Variants in HOOK3 observed in about 807,000 individuals in gnomAD.
HOOK3 encodes the protein protein Hook homolog 3.
HOOK3 carries 24 observed loss-of-function variants against 116.3 expected under a neutral mutation model. The observed-to-expected ratio is 0.21, with a 90% confidence interval of 0.15 to 0.29. HOOK3 has a LOEUF of 0.29. Ranked by LOEUF, HOOK3 falls within the 10% of genes least tolerant of loss-of-function variation. The pLI is 1.00. For missense variants in HOOK3, 632 were observed against 830.2 expected (o/e 0.76, Z 2.93); for synonymous variants, 275 against 283.0 (o/e 0.97, Z 0.28).
intron 2 of HOOK3, among the ~76,000 whole-genome samples, chr8:42,919,049 C>T (rs1370751108): frequency 6.7e-6 from 1 of 149,362 alleles, no homozygotes; most frequent in East Asian, 2.0e-4. Context: ...GCGGGGGCTG[C>T]CCCCCACCTC....
chr8:42,939,533 C>T (rs1012011487), intron 4 of HOOK3, among the ~76,000 whole-genome samples: 47 of 147,164 alleles, frequency 3.2e-4, no homozygotes, highest in Non-Finnish European at 6.1e-4. Context: ...CTGATCCCCC[C>T]ACCTCCCTCC....
chr8:43,008,626 AATTTTTATTTTTATTTTT>A (rs71550438), intron 18 of HOOK3, among the ~76,000 whole-genome samples: 19 of 143,330 alleles, frequency 1.3e-4, no homozygotes, highest in Middle Eastern at 3.6e-3. Context: ...GCCTATATTA[AATTTTTATTTTTATTTTT>A]ATTTTTATTT....
chr8:42,908,341 A>AC (rs1248104823), intron 2 of HOOK3, among the ~76,000 whole-genome samples: 2 of 152,040 alleles, frequency 1.3e-5, no homozygotes, highest in Non-Finnish European at 2.9e-5. Context: ...ATGACAAAAG[A>AC]CCCCAAATAA....
At chr8:42,932,502 A>G (rs1209401089) in intron 4 of HOOK3, among the ~76,000 whole-genome samples, 1 of 152,162 alleles carries the variant, frequency 6.6e-6, no homozygotes, top group Non-Finnish European at 1.5e-5. Flanking sequence ...TCCTCGTCTC[A>G]TACATGAGAA....
chr8:42,941,911 G>T (rs1288454392), intron 4 of HOOK3, among the ~76,000 whole-genome samples: 1 of 152,118 alleles, frequency 6.6e-6, no homozygotes, highest in East Asian at 1.9e-4. Flanking sequence ...CTTCATTCCA[G>T]GATTCTGCTC....
intron 19 of HOOK3, among the ~76,000 whole-genome samples, chr8:43,011,033 C>T (rs887242527): frequency 2.0e-5 from 3 of 151,668 alleles, no homozygotes; most frequent in Non-Finnish European, 1.5e-5. Flanking sequence ...CGCTCTGTCG[C>T]CCAGGCTGGA....
chr8:43,000,850 A>G (rs367893355), intron 16 of HOOK3: 3 of 152,274 alleles, frequency 2.0e-5, no homozygotes, highest in Non-Finnish European at 4.4e-5. Flanking sequence ...ATGTTACTAC[A>G]TATCTTCTCA....
chr8:42,982,106 T>C (rs1420964588), intron 13 of HOOK3, among the ~76,000 whole-genome samples: 2 of 149,530 alleles, frequency 1.3e-5, no homozygotes, highest in East Asian at 3.9e-4. Flanking sequence ...ATACAAAAAA[T>C]TAGCTGGGCG....
chr8:43,006,811 CT>C lies in HOOK3; in HGVS notation c.1656-1028del, dbSNP rs543311279. 1.3e-3 allele frequency among the ~76,000 whole-genome samples: 196 copies of C among 151,754 alleles called. 2 individuals are homozygous for C. In the South Asian group the frequency reaches 0.017, roughly 14 times the overall value. On this transcript the variant is annotated intron_variant, in intron 17 of 21. Coordinates refer to ENST00000307602, the MANE Select transcript of HOOK3 (RefSeq NM_032410.4). ...GAAAAGATCAGAAAGACGTAAAGTG[CT>C]TTTTTTTAATTAGTGATTTTCTCTA... is the stretch of plus-strand genomic sequence containing the variant.
At chr8:42,915,495 G>A (rs949185410) in intron 2 of HOOK3, among the ~76,000 whole-genome samples, 15 of 152,082 alleles carry the variant, frequency 9.9e-5, no homozygotes, top group African/African-American at 2.9e-4. Context: ...GCAATGGTGC[G>A]ATTTCGGCTC....
intron 11 of HOOK3, among the ~76,000 whole-genome samples, chr8:42,969,734 C>T (rs533632575): frequency 1.3e-5 from 2 of 152,204 alleles, no homozygotes; most frequent in African/African-American, 4.8e-5. Flanking sequence ...CTTCATGTTA[C>T]CCTGATTACA....
chr8:42,902,092 T>C (rs199680936), intron 1 of HOOK3, among the ~76,000 whole-genome samples: 1 of 152,152 alleles, frequency 6.6e-6, no homozygotes. Context: ...CCAGAGGCTG[T>C]TTTCCAATCT....
At chr8:43,008,663 A>T (rs865800529) in intron 18 of HOOK3, among the ~76,000 whole-genome samples, 2,368 of 131,350 alleles carry the variant, frequency 0.018, 80 homozygotes, top group African/African-American at 0.049. Flanking sequence ...TTTTATTTTT[A>T]TTTTTTTTTT....
At chr8:42,981,059 T>TTC (rs1808931186) in intron 13 of HOOK3, among the ~76,000 whole-genome samples, 1 of 151,200 alleles carries the variant, frequency 6.6e-6, no homozygotes, top group East Asian at 2.0e-4. Context: ...AATAATTTTT[T>TTC]TTTTTTTTTT....
At chr8:42,992,364 C>A (rs1809180648) in intron 15 of HOOK3, among the ~76,000 whole-genome samples, 1 of 139,052 alleles carries the variant, frequency 7.2e-6, no homozygotes, top group Admixed American at 7.6e-5. Context: ...CATGCCACTG[C>A]ACTCCAGCCT....
chr8:42,922,159 A>G (rs1047735292), intron 2 of HOOK3, among the ~76,000 whole-genome samples: 2 of 152,206 alleles, frequency 1.3e-5, no homozygotes, highest in Admixed American at 6.5e-5. Flanking sequence ...AAGAAAATAT[A>G]CCAATAAATC....
At chr8:42,981,295 C>T (rs1366652914) in intron 13 of HOOK3, among the ~76,000 whole-genome samples, 4 of 151,812 alleles carry the variant, frequency 2.6e-5, no homozygotes, top group Non-Finnish European at 4.4e-5. Flanking sequence ...TCAATCGATC[C>T]GCCCACCTCG....
In HOOK3 at chr8:43,027,138, C is replaced by T. The variant is rs570400976; in HGVS notation, c.*8640C>T. On this transcript the variant is annotated 3_prime_UTR_variant, in exon 22 of 22. Coordinates refer to ENST00000307602, the MANE Select transcript of HOOK3 (RefSeq NM_032410.4). ...AACTCCTGACCTCAGGTAATCCACC[C>T]GCCTCAGCCTCCCAAAGTGCTGGGA... 24 of 187,542 alleles carry T rather than the reference C, an allele frequency of 1.3e-4. No individual in the cohort carries two copies. The South Asian group carries it at 3.0e-3, about 23-fold the overall frequency. 11.6% of individuals were successfully genotyped at this position (187,542 alleles called of 1,614,324 possible).
At position 42,985,801 on chromosome 8, in the gene HOOK3, TGAATTAGATCACA is replaced by T. The variant is rs372569405; in HGVS notation, c.1392-851_1392-839del. On this transcript the variant is annotated intron_variant, in intron 14 of 21. Coordinates refer to ENST00000307602, the MANE Select transcript of HOOK3 (RefSeq NM_032410.4). ...ATACATCAAATTCTAAATAGTTGCT[TGAATTAGATCACA>T]GATTTGGTTCATCTTTTCAGTAGCA... Among the ~76,000 whole-genome samples, 142 of 152,282 alleles carry T rather than the reference TGAATTAGATCACA, an allele frequency of 9.3e-4. 1 individual carries two copies. Among genetic ancestry groups the T allele is most frequent in the Middle Eastern group, 3.4e-3 (1 of 294 alleles).
Sources: allele counts gnomAD v4.1 joint callset (sites outside exome capture counted in the v4.1 genomes callset), GRCh38; gene constraint gnomAD v4.1.1; transcripts MANE v1.5; gene names NCBI Gene and HGNC (gene_info 2026-07-23, HGNC 2026-07-21).